The following DAAM1 variants were observed in gnomAD, a reference collection of about 807,000 sequenced individuals.
DAAM1 encodes dishevelled associated activator of morphogenesis 1, also known as disheveled-associated activator of morphogenesis 1.
In DAAM1, 52 loss-of-function variants were observed where a neutral mutation model predicts 130.0. That is an observed-to-expected ratio of 0.40 (90% confidence interval 0.32 to 0.50). The LOEUF is 0.50. Among genes scored for constraint, DAAM1 ranks in the 20% least tolerant of loss-of-function variants. The pLI is 0.61. For synonymous variants in DAAM1, 452 were observed against 444.5 expected (o/e 1.02, Z -0.21); for missense variants, 1,134 against 1,303.8 (o/e 0.87, Z 2.01).
chr14:59,347,009 G>A (rs1311873679), intron 16 of DAAM1, among the ~76,000 whole-genome samples: 1 of 151,998 alleles, frequency 6.6e-6, no homozygotes, highest in African/African-American at 2.4e-5. Context: ...GCCATTCTGG[G>A]CCCCAGTTTC....
intron 3 of DAAM1, among the ~76,000 whole-genome samples, chr14:59,312,400 G>C (rs1884631876): frequency 6.6e-6 from 1 of 152,170 alleles, no homozygotes; most frequent in Non-Finnish European, 1.5e-5. Flanking sequence ...TCACAGGTAA[G>C]GAAATGAAAA....
chr14:59,221,049 A>G (rs1888755253), intron 1 of DAAM1, among the ~76,000 whole-genome samples: 1 of 152,194 alleles, frequency 6.6e-6, no homozygotes, highest in Non-Finnish European at 1.5e-5. Flanking sequence ...ACATCCATAC[A>G]CATCCCCTTA....
intron 1 of DAAM1, among the ~76,000 whole-genome samples, chr14:59,235,186 T>C (rs1889253656): frequency 6.6e-6 from 1 of 152,128 alleles, no homozygotes; most frequent in Non-Finnish European, 1.5e-5. Context: ...GTCTCTCCTT[T>C]TGAGTTGTTT....
At chr14:59,354,193 T>C (rs1338107852) in intron 19 of DAAM1, among the ~76,000 whole-genome samples, 1 of 152,038 alleles carries the variant, frequency 6.6e-6, no homozygotes. Context: ...CCTGAGTAGC[T>C]GGGACTACAG....
chr14:59,359,285 G>T lies in DAAM1; in HGVS notation c.2526-112G>T, dbSNP rs1025811415. 5 of 814,710 alleles carry T rather than the reference G, an allele frequency of 6.1e-6. No individual in the cohort carries two copies. In the African/African-American group the frequency reaches 8.7e-5, roughly 14 times the overall value. 50.5% of individuals were successfully genotyped at this position (814,710 alleles called of 1,614,324 possible). On this transcript the variant is annotated intron_variant, in intron 20 of 24. Coordinates refer to ENST00000360909, the MANE Select transcript of DAAM1 (RefSeq NM_001270520.2). ...TGCAGGTAATATAGCATTATTGTGG[G>T]TTCTACCATTTGAGCATATAAATCA...
In DAAM1 at chr14:59,322,950, A is replaced by G. The variant is rs776830715; in HGVS notation, c.499A>G (p.Thr167Ala). Residue 167 changes from threonine to alanine, a missense_variant, in exon 6 of 25, where the codon ACC (threonine) becomes GCC (alanine). Physicochemically the swap from Thr to Ala is moderately conservative, Grantham distance 58. Coordinates refer to ENST00000360909, the MANE Select transcript of DAAM1 (RefSeq NM_001270520.2). ...GLSCILNFLK[T>A]MDYETSESRI... ...ATCATGTATCCTCAACTTTCTAAAG[A>G]CCATGGACTACGAGACCTCAGAGTC... 1.9e-6 allele frequency: 3 copies of G among 1,614,020 alleles called. No homozygotes were observed. Among genetic ancestry groups the G allele is most frequent in the Non-Finnish European group, 2.5e-6 (3 of 1,180,000 alleles).
intron 2 of DAAM1, chr14:59,265,900 G>A (rs899294314): frequency 9.9e-5 from 15 of 152,210 alleles, no homozygotes; most frequent in African/African-American, 3.6e-4. Context: ...CATTTCATTG[G>A]CCAGTGCAGA....
At chr14:59,273,877 C>T (rs1418816338) in intron 2 of DAAM1, among the ~76,000 whole-genome samples, 1 of 152,158 alleles carries the variant, frequency 6.6e-6, no homozygotes, top group Non-Finnish European at 1.5e-5. Flanking sequence ...ATGGTTTGCT[C>T]TCAGAAAACA....
intron 1 of DAAM1, among the ~76,000 whole-genome samples, chr14:59,254,084 G>A (rs536309225): frequency 1.3e-5 from 2 of 152,284 alleles, no homozygotes; most frequent in Admixed American, 1.3e-4. Flanking sequence ...GGGAAGATCT[G>A]AAGCCTTAAA....
intron 15 of DAAM1, among the ~76,000 whole-genome samples, chr14:59,332,672 A>G (rs553128172): frequency 2.2e-4 from 34 of 152,348 alleles, no homozygotes; most frequent in Admixed American, 1.9e-3. Context: ...AAGTTAGACC[A>G]GAAGAGAACA....
At chr14:59,336,883 G>A (rs556404698) in intron 15 of DAAM1, among the ~76,000 whole-genome samples, 1 of 152,222 alleles carries the variant, frequency 6.6e-6, no homozygotes, top group Non-Finnish European at 1.5e-5. Context: ...AACGCATTAC[G>A]TGATTGTCAT....
chr14:59,230,035 C>T (rs894099773), intron 1 of DAAM1, among the ~76,000 whole-genome samples: 5 of 152,144 alleles, frequency 3.3e-5, no homozygotes, highest in African/African-American at 1.2e-4. Context: ...AAATTTAAGG[C>T]CCACTATTAA....
chr14:59,228,945 TTTGA>T (rs1308973474), intron 1 of DAAM1, among the ~76,000 whole-genome samples: 1 of 152,162 alleles, frequency 6.6e-6, no homozygotes, highest in African/African-American at 2.4e-5. Flanking sequence ...CACTTCAATT[TTTGA>T]TTGACTTTTA....
At chr14:59,320,850 C>T (rs1884978873) in intron 5 of DAAM1, among the ~76,000 whole-genome samples, 1 of 151,958 alleles carries the variant, frequency 6.6e-6, no homozygotes, top group African/African-American at 2.4e-5. Flanking sequence ...GACCCTCATT[C>T]ATTGCTGCTA....
intron 1 of DAAM1, among the ~76,000 whole-genome samples, chr14:59,201,997 A>G (rs1170398924): frequency 9.2e-5 from 14 of 152,232 alleles, no homozygotes; most frequent in Non-Finnish European, 1.5e-5. Context: ...AAATCTGTAG[A>G]TGAATCAATT....
chr14:59,359,646 A>G (rs547024257), intron 21 of DAAM1, 142 bp downstream of exon 21: 4 of 621,958 alleles, frequency 6.4e-6, no homozygotes, highest in South Asian at 2.3e-5. Flanking sequence ...ATCTCATCCA[A>G]GTCACTCAAA....
intron 2 of DAAM1, among the ~76,000 whole-genome samples, chr14:59,270,994 T>G (rs1263338701): frequency 6.6e-6 from 1 of 152,222 alleles, no homozygotes; most frequent in Non-Finnish European, 1.5e-5. Context: ...TTCATAGTTT[T>G]AGAGGAGAGC....
intron 1 of DAAM1, among the ~76,000 whole-genome samples, chr14:59,200,064 G>A (rs1888051959): frequency 6.6e-6 from 1 of 152,200 alleles, no homozygotes; most frequent in Non-Finnish European, 1.5e-5. Context: ...TGGGCAGTTG[G>A]TTAGAGCAAA....
chr14:59,353,553 G>T (rs1886366317), intron 18 of DAAM1, among the ~76,000 whole-genome samples: 1 of 152,178 alleles, frequency 6.6e-6, no homozygotes, highest in Non-Finnish European at 1.5e-5. Context: ...GAGTTCCTGG[G>T]ACTCTGAGGG....
Sources: allele counts gnomAD v4.1 joint callset (sites outside exome capture counted in the v4.1 genomes callset), GRCh38; gene constraint gnomAD v4.1.1; transcripts MANE v1.5; gene names NCBI Gene and HGNC (gene_info 2026-07-23, HGNC 2026-07-21).